CLDN16: variants seen among roughly 807,000 people sequenced by gnomAD.
The protein encoded by CLDN16 is claudin-16.
A neutral mutation model predicts 24.6 loss-of-function variants in CLDN16; 13 were observed. The ratio of observed to expected loss-of-function variants is 0.53; its 90% confidence interval spans 0.34 to 0.84. The LOEUF (loss-of-function observed/expected upper bound fraction) is 0.84, where lower values mean the gene tolerates loss of function less well. Ranked by LOEUF, CLDN16 falls within the 40% of genes least tolerant of loss-of-function variation. The pLI is 0.01. For synonymous variants in CLDN16, 116 were observed against 106.7 expected, an observed-to-expected ratio of 1.09 and a Z score of -0.54; for missense variants, 298 against 292.7, an observed-to-expected ratio of 1.02 and a Z score of -0.13.
intron 3 of CLDN16, among the ~76,000 whole-genome samples, chr3:190,377,792 C>G (rs1718276731): frequency 6.6e-6 from 1 of 151,956 alleles, no homozygotes; most frequent in African/African-American, 2.4e-5. Flanking sequence ...ACAGGTAGAG[C>G]TAAAAGTGTA....
intron 1 of CLDN16, among the ~76,000 whole-genome samples, chr3:190,370,454 A>G (rs1718114605): frequency 6.6e-6 from 1 of 151,946 alleles, no homozygotes; most frequent in African/African-American, 2.4e-5. Flanking sequence ...CATCACTACC[A>G]AGTTAGTATC....
the CLDN16 span, among the ~76,000 whole-genome samples, chr3:190,314,565 T>G: frequency 7.8e-6 from 1 of 128,584 alleles, no homozygotes; most frequent in Non-Finnish European, 1.8e-5. Context: ...TGGCTAAATT[T>G]TTTTTTTTTT....
At chr3:190,391,640 G>A (rs1028063095) in intron 1 of CLDN16, among the ~76,000 whole-genome samples, 1 of 152,180 alleles carries the variant, frequency 6.6e-6, no homozygotes, top group Non-Finnish European at 1.5e-5. Flanking sequence ...TGGCAAAAGT[G>A]CAAAGAGAGG....
Position 190,378,157 on chromosome 3 carries a change from A to T in CLDN16, n.306+3554A>T, listed in dbSNP as rs536989076. ...GCTTATAATAGTGACTACCTCTTAT[A>T]TAATTATTATTACAACAAGCAAAGA... On this transcript the variant is annotated intron_variant and non_coding_transcript_variant, in intron 3 of 4. Transcript: ENST00000468220. Among the ~76,000 whole-genome samples, 338 of 152,110 alleles carry T rather than the reference A, an allele frequency of 2.2e-3. 1 individual carries two copies. The highest frequency in any genetic ancestry group is 4.3e-3 in the Non-Finnish European group (294 of 67,966).
chr3:190,388,372 T>C lies in CLDN16; in HGVS notation c.43T>C (p.Phe15Leu). The change falls in exon 1 of 5, where the codon TTC becomes CTC. Residue 15 changes from phenylalanine to leucine, a missense_variant. Physicochemically the swap from Phe to Leu is conservative, Grantham distance 22 (BLOSUM62 0). Coordinates refer to ENST00000264734, the MANE Select transcript of CLDN16 (RefSeq NM_006580.4). ...LQYIACFFAF[F>L]SAGFLIVATW... ...ATACATCGCTTGCTTCTTTGCCTTT[T>C]TCTCTGCTGGGTTTTTGATTGTGGC... 1 of 1,614,056 alleles carries C rather than the reference T, an allele frequency of 6.2e-7. No individual in the cohort carries two copies.
Position 190,399,496 on chromosome 3 carries a change from C to T in CLDN16, c.115-2841C>T, listed in dbSNP as rs535068710. On this transcript the variant is annotated intron_variant, in intron 1 of 4. Transcript: ENST00000264734. ...TTGCACTCCAGCCTGGGGAAAACAG[C>T]GAGACTCTGCCTCAAAAAAAATTGT... 1.2e-4 allele frequency among the ~76,000 whole-genome samples: 17 copies of T among 147,078 alleles called. No homozygotes were observed. In the South Asian group the frequency reaches 3.5e-3, roughly 31 times the overall value.
At chr3:190,333,113 G>T (rs992387199) in intron 1 of CLDN16, among the ~76,000 whole-genome samples, 4 of 152,088 alleles carry the variant, frequency 2.6e-5, no homozygotes, top group African/African-American at 4.8e-5. Context: ...ACCCAACAAG[G>T]TTGATAAACA....
chr3:190,310,356 C>A, the CLDN16 span: 1 of 805,120 alleles, frequency 1.2e-6, no homozygotes, highest in Non-Finnish European at 2.1e-6. Flanking sequence ...TAAATCTCAT[C>A]AATAGTGTTG....
the CLDN16 span, among the ~76,000 whole-genome samples, chr3:190,317,146 G>C: frequency 6.6e-6 from 1 of 152,178 alleles, no homozygotes; most frequent in East Asian, 1.9e-4. Flanking sequence ...CTTTGAATTG[G>C]TCTGATTAGA....
At chr3:190,400,452 C>G (rs555036594) in intron 1 of CLDN16, among the ~76,000 whole-genome samples, 1 of 151,948 alleles carries the variant, frequency 6.6e-6, no homozygotes, top group East Asian at 1.9e-4. Context: ...AGGATGATCC[C>G]GATCTCCTGA....
rs1412623271 is a variant in CLDN16 at position 190,410,152 on chromosome 3, T to G, written c.*116T>G. ...TAGAATTCATATTGAATTAAATTAA[T>G]TGCTAGCTTAATCAAAATGTTTGAT... On this transcript the variant is annotated 3_prime_UTR_variant, in exon 5 of 5. Coordinates refer to ENST00000264734, the MANE Select transcript of CLDN16 (RefSeq NM_006580.4). 8.4e-7 allele frequency: 1 copy of G among 1,188,818 alleles called. No individual in the cohort carries two copies. The highest frequency in any genetic ancestry group is 1.5e-5 in the African/African-American group (1 of 66,090). 73.6% of individuals were successfully genotyped at this position (1,188,818 alleles called of 1,614,324 possible). A position where few individuals can be genotyped will look rare whatever the true frequency, so the allele number is the denominator to read the frequency against.
At chr3:190,394,548 A>G (rs1332329000) in intron 1 of CLDN16, among the ~76,000 whole-genome samples, 1 of 152,146 alleles carries the variant, frequency 6.6e-6, no homozygotes, top group Admixed American at 6.5e-5. Context: ...AAACTTTCCA[A>G]TTGATTTCAA....
chr3:190,392,761 G>A (rs989987327), intron 1 of CLDN16, among the ~76,000 whole-genome samples: 21 of 152,158 alleles, frequency 1.4e-4, no homozygotes, highest in African/African-American at 5.1e-4. Flanking sequence ...TATGTTTGCG[G>A]TATTTTGTAT....
chr3:190,345,917 T>C (rs1577403607), intron 1 of CLDN16, among the ~76,000 whole-genome samples: 1 of 152,030 alleles, frequency 6.6e-6, no homozygotes, highest in African/African-American at 2.4e-5. Context: ...TTATGTAATA[T>C]ATATAATATT....
At chr3:190,351,348 C>G (rs773830968) in intron 1 of CLDN16, among the ~76,000 whole-genome samples, 2 of 151,856 alleles carry the variant, frequency 1.3e-5, no homozygotes, top group African/African-American at 2.4e-5. Context: ...TTTTTCCCAG[C>G]CTTCTCCAGC....
At position 190,411,015 on chromosome 3, in the gene CLDN16, C is replaced by CA; in HGVS notation, c.*980dup. 6.6e-6 allele frequency: 1 copy of CA among 152,320 alleles called. No homozygotes were observed. The highest frequency in any genetic ancestry group is 2.4e-5 in the African/African-American group (1 of 41,572). The allele number at this position is 152,320 out of a possible 1,614,324, so 9.4% of individuals were successfully genotyped here. On this transcript the variant is annotated 3_prime_UTR_variant, in exon 5 of 5. Transcript: ENST00000264734. ...CGGTAGCTCGCGTCTGTAATCCCCG[C>CA]ACTTTGGGAGGCCAAGGCGGGTGGA...
chr3:190,298,416 A>G, the CLDN16 span, among the ~76,000 whole-genome samples: 29 of 150,700 alleles, frequency 1.9e-4, no homozygotes, highest in Admixed American at 5.4e-4. Flanking sequence ...CTACGAGTTA[A>G]AAATGATATT....
At chr3:190,387,877 T>C (rs1718544227), upstream of CLDN16, 1 of 560,468 alleles carries the variant, frequency 1.8e-6, no homozygotes, top group Non-Finnish European at 3.2e-6. Flanking sequence ...GTAGCCTTCT[T>C]CCGAGTGGGG....
chr3:190,378,614 G>A (rs781111038), intron 3 of CLDN16, among the ~76,000 whole-genome samples: 5 of 152,036 alleles, frequency 3.3e-5, no homozygotes, highest in Non-Finnish European at 2.9e-5. Flanking sequence ...GAGTTCTTAC[G>A]TATGAGTCCT....
Sources: gnomAD v4.1 joint callset for allele counts (sites outside exome capture counted in the v4.1 genomes callset) on GRCh38, gnomAD v4.1.1 for gene constraint, MANE v1.5 for transcripts, NCBI Gene and HGNC (gene_info 2026-07-23, HGNC 2026-07-21) for gene names.